MGAM2: variants seen among roughly 807,000 people sequenced by gnomAD.
MGAM2 encodes maltase-glucoamylase 2 (putative), also known as probable maltase-glucoamylase 2.
Under a neutral mutation model 96.1 loss-of-function variants are expected in MGAM2, and 98 were observed. That is an observed-to-expected ratio of 1.02 (90% confidence interval 0.87 to 1.21). The LOEUF is 1.21. MGAM2 is among the 50% of genes most tolerant of loss of function. MGAM2 has a pLI of 0.00. For missense variants in MGAM2, 2,055 were observed against 1,182.4 expected, an observed-to-expected ratio of 1.74 and a Z score of -10.82; for synonymous variants, 749 against 414.8, an observed-to-expected ratio of 1.81 and a Z score of -9.79.
chr7:142,148,220 CACT>C lies in MGAM2; in HGVS notation c.1634+652_1634+654del, dbSNP rs919888911. ...TTGCCATCACCACCACCATCACTAC[CACT>C]ACTATCACCATCACCACCACCACAG... On this transcript the variant is annotated intron_variant, in intron 15 of 47. Transcript: ENST00000477922. This position sits in a 1 kb window ranked among gnomAD's most constrained non-coding sequence, Gnocchi z 4.2. Among the ~76,000 whole-genome samples, 3 of 151,836 alleles carry C rather than the reference CACT, an allele frequency of 2.0e-5. No homozygotes were observed. Among genetic ancestry groups the C allele is most frequent in the African/African-American group, 4.8e-5 (2 of 41,312 alleles).
intron 3 of MGAM2, among the ~76,000 whole-genome samples, chr7:142,121,468 C>T (rs1343761177): frequency 5.9e-5 from 9 of 152,142 alleles, no homozygotes; most frequent in African/African-American, 9.7e-5. Flanking sequence ...TGAGCCACTA[C>T]GCCCGGCCCA....
intron 1 of MGAM2, among the ~76,000 whole-genome samples, chr7:142,116,050 C>A (rs1186102682): frequency 6.6e-6 from 1 of 152,060 alleles, no homozygotes; most frequent in Non-Finnish European, 1.5e-5. Flanking sequence ...GATCTGTAGA[C>A]ATGTAATAAT....
Position 142,193,528 on chromosome 7 carries a change from T to C in MGAM2, c.4347-2626T>C, listed in dbSNP as rs375653255. ...TCAGTGGTCAGTTTTGTTCACTGAC[T>C]CTTCCCTGCTGACCTTCATGCTACA... On this transcript the variant is annotated intron_variant, in intron 37 of 47. Transcript: ENST00000477922. Among the ~76,000 whole-genome samples, 24 of 152,332 alleles carry C rather than the reference T, an allele frequency of 1.6e-4. No individual in the cohort carries two copies. In the East Asian group the frequency reaches 3.9e-3, roughly 25 times the overall value.
intron 46 of MGAM2, among the ~76,000 whole-genome samples, chr7:142,214,713 T>C (rs1797697592): frequency 6.6e-6 from 1 of 152,122 alleles, no homozygotes; most frequent in Admixed American, 6.5e-5. Flanking sequence ...ATCGTGAAAA[T>C]GGTCATACTT....
Position 142,136,911 on chromosome 7 carries a change from G to A in MGAM2, c.847+271G>A, listed in dbSNP as rs555853701. Among the ~76,000 whole-genome samples the A allele has an allele frequency of 2.2e-3, 334 of 152,074 alleles. 2 individuals carry two copies. Among genetic ancestry groups the A allele is most frequent in the Non-Finnish European group, 3.5e-3 (241 of 67,988 alleles). ...TAGAAAATAGGATCCACTGATAGAC[G>A]CATTCCAAAAATATCTGTAGATTTC... On this transcript the variant is annotated intron_variant, in intron 8 of 47. Transcript: ENST00000477922.
intron 31 of MGAM2, among the ~76,000 whole-genome samples, 185 bp downstream of exon 31, chr7:142,173,539 A>G (rs892494625): frequency 6.6e-5 from 10 of 152,240 alleles, no homozygotes; most frequent in African/African-American, 1.7e-4. Context: ...GGAAAATTAC[A>G]AGATGAAAAA....
In MGAM2 at chr7:142,222,279, G is replaced by A. The variant is rs1357582864; in HGVS notation, c.*220G>A. The A allele has an allele frequency of 1.3e-5, 5 of 374,086 alleles. No individual in the cohort carries two copies. Among genetic ancestry groups the A allele is most frequent in the African/African-American group, 8.3e-5 (4 of 48,140 alleles). 23.2% of individuals were successfully genotyped at this position (374,086 alleles called of 1,614,324 possible). A position where few individuals can be genotyped will look rare whatever the true frequency, so the allele number is the denominator to read the frequency against. On this transcript the variant is annotated 3_prime_UTR_variant, in exon 48 of 48. Coordinates refer to ENST00000477922, the MANE Select transcript of MGAM2 (RefSeq NM_001293626.2). ...CCTTATAGGTTTCACCAAAGAAGCTGTGGGTACTTATTTTGCAACCATAGT... is the reference window on the plus strand; with the variant it reads ...CCTTATAGGTTTCACCAAAGAAGCTATGGGTACTTATTTTGCAACCATAGT...
chr7:142,175,492 G>T (rs1796345337), intron 31 of MGAM2, among the ~76,000 whole-genome samples, 160 bp from the exon 32 acceptor site: 1 of 152,184 alleles, frequency 6.6e-6, no homozygotes, highest in Non-Finnish European at 1.5e-5. Flanking sequence ...TCAATCTGCA[G>T]AATTGAAAAG....
At chr7:142,218,265 A>G in intron 46 of MGAM2, 96 bp from the exon 47 acceptor site, 1 of 490,024 alleles carries the variant, frequency 2.0e-6, no homozygotes, top group Non-Finnish European at 3.6e-6. Context: ...AAACTAATAT[A>G]ACAAAAGTAA....
chr7:142,157,958 G>A lies in MGAM2; in HGVS notation c.1945G>A (p.Gly649Ser), dbSNP rs754265361. ...GFRDQDPAAF[G>S]VDSLLLKSSR... ...CTAGGACCAGGATCCCGCTGCCTTT[G>A]GTGTTGATTCCCTGCTGCTGAAATC... is the stretch of plus-strand genomic sequence containing the variant. Residue 649 changes from glycine (G) to serine (S), a missense_variant, in exon 18 of 48, where the codon GGT (glycine) becomes AGT (serine). Coordinates refer to ENST00000477922, the MANE Select transcript of MGAM2 (RefSeq NM_001293626.2). The A allele has an allele frequency of 5.7e-6, 4 of 702,850 alleles. No individual in the cohort carries two copies. The highest frequency in any genetic ancestry group is 2.0e-5 in the Admixed American group (1 of 49,984). 43.5% of individuals were successfully genotyped at this position (702,850 alleles called of 1,614,324 possible). A position where few individuals can be genotyped will look rare whatever the true frequency, so the allele number is the denominator to read the frequency against.
chr7:142,140,184 C>T (rs1377213720), intron 10 of MGAM2, among the ~76,000 whole-genome samples: 1 of 152,122 alleles, frequency 6.6e-6, no homozygotes, highest in Non-Finnish European at 1.5e-5. Context: ...CCTCATCAGC[C>T]CCCCTACCTC....
chr7:142,196,302 T>C lies in MGAM2; in HGVS notation c.4480+15T>C, dbSNP rs924127143. On this transcript the variant is annotated intron_variant, in intron 38 of 47. Transcript: ENST00000477922. ...ATCTATCATTGGTGTGTGGGCTCAT[T>C]CCCAGGGGCCTGTGCTGGCAGGGAG... The C allele has an allele frequency of 1.4e-6, 1 of 723,684 alleles. No individual in the cohort carries two copies. The highest frequency in any genetic ancestry group is 2.5e-6 in the Non-Finnish European group (1 of 399,664). 44.8% of individuals were successfully genotyped at this position (723,684 alleles called of 1,614,324 possible).
At chr7:142,199,997 A>G (rs1199596108) in intron 45 of MGAM2, 29 bp downstream of exon 45, 2 of 623,394 alleles carry the variant, frequency 3.2e-6, no homozygotes, top group South Asian at 1.9e-5. Flanking sequence ...GGGTCCCTGT[A>G]CATCACTGAG....
chr7:142,132,744 A>G (rs956137644), intron 6 of MGAM2, among the ~76,000 whole-genome samples: 1 of 126,338 alleles, frequency 7.9e-6, no homozygotes. Flanking sequence ...ATATGTAATA[A>G]CATATAATAT....
intron 45 of MGAM2, among the ~76,000 whole-genome samples, chr7:142,200,697 A>G (rs1422047024): frequency 6.6e-6 from 1 of 152,156 alleles, no homozygotes; most frequent in Admixed American, 6.6e-5. Context: ...TTTCACTACT[A>G]ATATTTCTAG....
In MGAM2 at chr7:142,220,187, C is replaced by T. The variant is rs1366427387; in HGVS notation, c.5676C>T (p.Ser1892=). 2 of 702,882 alleles carry T rather than the reference C, an allele frequency of 2.8e-6. No homozygotes were observed. The highest frequency in any genetic ancestry group is 3.0e-5 in the South Asian group (2 of 67,602). 43.5% of individuals were successfully genotyped at this position (702,882 alleles called of 1,614,324 possible). A position where few individuals can be genotyped will look rare whatever the true frequency, so the allele number is the denominator to read the frequency against. ...SPFPTSTTNA[S]TNATVPITTT... ...TCCCTACAAGTACTACTAATGCTAGCACTAATGCTACTGTTCCTATCACAA... is the reference window on the plus strand; with the variant it reads ...TCCCTACAAGTACTACTAATGCTAGTACTAATGCTACTGTTCCTATCACAA... The change falls in exon 48 of 48, where the codon AGC becomes AGT. Residue 1892 remains serine, a synonymous_variant. Coordinates refer to ENST00000477922, the MANE Select transcript of MGAM2 (RefSeq NM_001293626.2).
At chr7:142,117,467 G>A (rs1281336906) in intron 2 of MGAM2, among the ~76,000 whole-genome samples, 1 of 152,126 alleles carries the variant, frequency 6.6e-6, no homozygotes, top group African/African-American at 2.4e-5. Context: ...GCACCCAGAA[G>A]CATCAAACAG....
At position 142,188,683 on chromosome 7, in the gene MGAM2, C is replaced by G. The variant is rs548191701; in HGVS notation, c.4208-684C>G. 4.6e-5 allele frequency among the ~76,000 whole-genome samples: 7 copies of G among 152,310 alleles called. No homozygotes were observed. The South Asian group carries it at 1.2e-3, about 27-fold the overall frequency. ...CAACCTTACAATGGTAAGAAAGTGA[C>G]ATGCATTCAGTAGAAACCGAACTTT... On this transcript the variant is annotated intron_variant, in intron 36 of 47. Coordinates refer to ENST00000477922, the MANE Select transcript of MGAM2 (RefSeq NM_001293626.2).
intron 6 of MGAM2, among the ~76,000 whole-genome samples, chr7:142,132,745 C>CATATAAT (rs1264121872): frequency 8.3e-6 from 1 of 120,960 alleles, no homozygotes; most frequent in Non-Finnish European, 1.6e-5. Flanking sequence ...TATGTAATAA[C>CATATAAT]ATATAATATA....
Sources: allele counts gnomAD v4.1 joint callset (sites outside exome capture counted in the v4.1 genomes callset), GRCh38; gene constraint gnomAD v4.1.1; non-coding constraint Gnocchi (gnomAD v3.1); transcripts MANE v1.5; gene names NCBI Gene and HGNC (gene_info 2026-07-23, HGNC 2026-07-21).